ZNF225: variants seen among roughly 807,000 people sequenced by gnomAD.
ZNF225 encodes zinc finger protein 225.
ZNF225 carries 6 observed loss-of-function variants against 12.0 expected under a neutral mutation model. The observed-to-expected ratio is 0.50, with a 90% confidence interval of 0.27 to 0.98. The LOEUF is 0.98. Among genes scored for constraint, ZNF225 ranks in the 50% least tolerant of loss-of-function variants. The probability of loss-of-function intolerance (pLI) is 0.11; values close to 1 mark genes in which losing one functional copy is unlikely to be tolerated. For synonymous variants in ZNF225, 271 were observed against 283.2 expected, an observed-to-expected ratio of 0.96 and a Z score of 0.43; for missense variants, 763 against 848.2, an observed-to-expected ratio of 0.90 and a Z score of 1.25.
At chr19:44,128,330 C>T (rs1968188264) in intron 4 of ZNF225, 1 of 152,104 alleles carries the variant, frequency 6.6e-6, no homozygotes, top group Non-Finnish European at 1.5e-5. Flanking sequence ...TCTTCCTTTT[C>T]TTTGTATAGA....
At chr19:44,120,498 C>A (rs1014203401) in intron 4 of ZNF225, among the ~76,000 whole-genome samples, 2 of 152,252 alleles carry the variant, frequency 1.3e-5, no homozygotes, top group East Asian at 3.9e-4. Flanking sequence ...ATAAGTGATA[C>A]ACAAACTAGA....
chr19:44,118,850 T>A (rs1423062652), intron 4 of ZNF225, among the ~76,000 whole-genome samples: 1 of 151,310 alleles, frequency 6.6e-6, no homozygotes, highest in Admixed American at 6.6e-5. Context: ...GGAGTCTCGC[T>A]GTGTCGCCCA....
intron 2 of ZNF225, 28 bp from the exon 3 acceptor site, chr19:44,118,160 C>G (rs959901402): frequency 5.0e-6 from 8 of 1,599,372 alleles, no homozygotes; most frequent in Non-Finnish European, 6.8e-6. Context: ...GGTCATGAGA[C>G]TGAGGTTGCA....
At chr19:44,121,967 T>C (rs1968065266) in intron 4 of ZNF225, among the ~76,000 whole-genome samples, 1 of 152,238 alleles carries the variant, frequency 6.6e-6, no homozygotes, top group South Asian at 2.1e-4. Context: ...CTGGTGACTG[T>C]TCCTTTTGCT....
chr19:44,126,592 C>T (rs1234945631), intron 4 of ZNF225, among the ~76,000 whole-genome samples: 2 of 152,002 alleles, frequency 1.3e-5, no homozygotes, highest in Non-Finnish European at 2.9e-5. Flanking sequence ...TGGATGAGGC[C>T]CTAGAACTCC....
intron 1 of ZNF225, among the ~76,000 whole-genome samples, chr19:44,115,072 C>T (rs1967914761): frequency 6.6e-6 from 1 of 152,242 alleles, no homozygotes; most frequent in Admixed American, 6.5e-5. Flanking sequence ...GGTGAACTCT[C>T]CCTTCTCCTT....
chr19:44,134,551 G>A lies in ZNF225; in HGVS notation c.*1816G>A, dbSNP rs578058636. The A allele has an allele frequency of 6.6e-6, 1 of 152,280 alleles. No individual in the cohort carries two copies. The highest frequency in any genetic ancestry group is 2.1e-4 in the South Asian group (1 of 4,816). 9.4% of individuals were successfully genotyped at this position (152,280 alleles called of 1,614,324 possible). ...TGGCTCAGTCTTCTTTTTGTTTTGTGTGTTTTGGTTTTTAACTGTCACCGA... is the reference window on the plus strand; with the variant it reads ...TGGCTCAGTCTTCTTTTTGTTTTGTATGTTTTGGTTTTTAACTGTCACCGA... On this transcript the variant is annotated 3_prime_UTR_variant, in exon 5 of 5. Transcript: ENST00000262894.
intron 4 of ZNF225, among the ~76,000 whole-genome samples, chr19:44,118,833 T>C (rs1462682036): frequency 6.6e-6 from 1 of 151,998 alleles, no homozygotes; most frequent in East Asian, 1.9e-4. Context: ...TTTTTTTTTT[T>C]TGAGATGGAG....
intron 4 of ZNF225, among the ~76,000 whole-genome samples, chr19:44,126,116 G>C (rs971364459): frequency 1.3e-5 from 2 of 152,154 alleles, no homozygotes; most frequent in Non-Finnish European, 2.9e-5. Context: ...AAAGTGCCTT[G>C]TTTTGTCATA....
At chr19:44,115,896 C>T in intron 2 of ZNF225, 54 bp downstream of exon 2, 1 of 1,589,814 alleles carries the variant, frequency 6.3e-7, no homozygotes, top group Non-Finnish European at 8.6e-7. Flanking sequence ...GAGACTTGTT[C>T]TGTCGCCAAG....
intron 4 of ZNF225, 99 bp downstream of exon 4, chr19:44,118,673 C>T (rs1967992848): frequency 8.4e-7 from 1 of 1,196,544 alleles, no homozygotes; most frequent in South Asian, 1.4e-5. Flanking sequence ...AATGGCCAGA[C>T]CTCTTTCCTG....
intron 4 of ZNF225, among the ~76,000 whole-genome samples, chr19:44,123,668 G>A (rs1394455552): frequency 1.3e-5 from 2 of 152,074 alleles, no homozygotes; most frequent in East Asian, 3.9e-4. Flanking sequence ...TCAATCTCAT[G>A]GCTTGTTATT....
At chr19:44,112,605 T>C (rs1967854746), upstream of ZNF225, among the ~76,000 whole-genome samples, 1 of 152,180 alleles carries the variant, frequency 6.6e-6, no homozygotes, top group African/African-American at 2.4e-5. Context: ...GGAAAAAAGC[T>C]TTTTGGTTGA....
Position 44,131,880 on chromosome 19 carries a change from C to G in ZNF225, c.1266C>G (p.His422Gln). The G allele has an allele frequency of 6.2e-7, 1 of 1,614,074 alleles. No individual in the cohort carries two copies. The highest frequency in any genetic ancestry group is 8.5e-7 in the Non-Finnish European group (1 of 1,180,018). The change falls in exon 5 of 5, where the codon CAC becomes CAG. Residue 422 changes from histidine (H) to glutamine (Q), a missense_variant. Physicochemically the swap from His to Gln is conservative, Grantham distance 24 (BLOSUM62 0). Transcript: ENST00000262894. ...NSQRYSHQRAHSGEKPYRCEE... is the reference protein window; with the variant it reads ...NSQRYSHQRAQSGEKPYRCEE... ...AACGTTATTCTCACCAGAGAGCGCA[C>G]AGTGGAGAAAAGCCATATAGATGTG... is the stretch of plus-strand genomic sequence containing the variant.
Position 44,131,998 on chromosome 19 carries a change from G to A in ZNF225, c.1384G>A (p.Gly462Arg), listed in dbSNP as rs1568543027. The A allele has an allele frequency of 6.2e-7, 1 of 1,614,104 alleles. No homozygotes were observed. The highest frequency in any genetic ancestry group is 1.7e-5 in the Admixed American group (1 of 60,014). The change falls in exon 5 of 5, where the codon GGG (glycine) becomes AGG (arginine). Residue 462 changes from glycine (G) to arginine (R), a missense_variant. Transcript: ENST00000262894. The part of the protein sequence containing the change: ...GEKPYNCKEC[G>R]KSFGWASCLL... Reference sequence around the variant, plus strand: ...GAAACCCTATAATTGTAAGGAATGTGGGAAGAGCTTTGGCTGGGCCTCGTG... The same window carrying A: ...GAAACCCTATAATTGTAAGGAATGTAGGAAGAGCTTTGGCTGGGCCTCGTG...
At position 44,115,804 on chromosome 19, in the gene ZNF225, A is replaced by G; in HGVS notation, c.-24A>G. ...TGGACTGTATCACTCAGGACTCTGAATATTCCCTGAAATAGGAGGAAAAAT... is the reference window on the plus strand; with the variant it reads ...TGGACTGTATCACTCAGGACTCTGAGTATTCCCTGAAATAGGAGGAAAAAT... On this transcript the variant is annotated 5_prime_UTR_variant, in exon 2 of 5. Coordinates refer to ENST00000262894, the MANE Select transcript of ZNF225 (RefSeq NM_013362.4). 6.2e-7 allele frequency: 1 copy of G among 1,612,764 alleles called. No homozygotes were observed. The highest frequency in any genetic ancestry group is 8.5e-7 in the Non-Finnish European group (1 of 1,179,260).
rs1395133934 is a variant in ZNF225 at position 44,131,181 on chromosome 19, A to G, written c.567A>G (p.Ser189=). ...DECGKSFCYS[S]ALRIHQRVHM... The stretch of plus-strand genomic sequence containing the variant: ...GTGGAAAGAGTTTCTGTTATAGCTC[A>G]GCTCTTCGTATTCATCAGAGAGTTC... Residue 189 remains serine, a synonymous_variant, in exon 5 of 5, where the codon TCA becomes TCG. Coordinates refer to ENST00000262894, the MANE Select transcript of ZNF225 (RefSeq NM_013362.4). 2 of 1,614,094 alleles carry G rather than the reference A, an allele frequency of 1.2e-6. No individual in the cohort carries two copies. The highest frequency in any genetic ancestry group is 2.7e-5 in the African/African-American group (2 of 74,936).
chr19:44,111,770 G>A (rs1381310018), upstream of ZNF225, among the ~76,000 whole-genome samples: 1 of 152,230 alleles, frequency 6.6e-6, no homozygotes, highest in Non-Finnish European at 1.5e-5. Context: ...CCCCAGGAAT[G>A]GGATTATGGA....
chr19:44,124,289 C>A (rs1968105646), intron 4 of ZNF225, among the ~76,000 whole-genome samples: 1 of 152,140 alleles, frequency 6.6e-6, no homozygotes, highest in South Asian at 2.1e-4. Flanking sequence ...CATTCAGGAG[C>A]AGATTATTTA....
Sources: allele counts gnomAD v4.1 joint callset (sites outside exome capture counted in the v4.1 genomes callset), GRCh38; gene constraint gnomAD v4.1.1; transcripts MANE v1.5; gene names NCBI Gene and HGNC (gene_info 2026-07-23, HGNC 2026-07-21).